TRAPPC8: variants seen among roughly 807,000 people sequenced by gnomAD.
TRAPPC8 encodes trafficking protein particle complex subunit 8.
Under a neutral mutation model 174.3 loss-of-function variants are expected in TRAPPC8, and 54 were observed. The ratio of observed to expected loss-of-function variants is 0.31; its 90% CI spans 0.25 to 0.39. TRAPPC8 has a LOEUF of 0.39. TRAPPC8 is among the 10% of genes least tolerant of loss of function. The probability of loss-of-function intolerance (pLI) is 1.00; values close to 1 mark genes in which losing one functional copy is unlikely to be tolerated. For missense variants in TRAPPC8, 1,531 were observed against 1,699.1 expected (o/e 0.90, Z 1.74); for synonymous variants, 630 against 579.9 (o/e 1.09, Z -1.24).
Position 31,942,627 on chromosome 18 carries a change from G to A in TRAPPC8, c.138C>T (p.Phe46=), listed in dbSNP as rs1180984285. 3 of 1,607,304 alleles carry A rather than the reference G, an allele frequency of 1.9e-6. No individual in the cohort carries two copies. Among genetic ancestry groups the A allele is most frequent in the Non-Finnish European group, 2.5e-6 (3 of 1,176,644 alleles). Residue 46 remains phenylalanine, a synonymous_variant, in exon 1 of 29, where the codon TTC becomes TTT. Transcript: ENST00000283351. The part of the protein sequence containing the change: ...HLSFAELLKP[F]SRLTSEVHMR... Reference sequence around the variant, plus strand: ...ACATACCCTCGGAAGTGAGGCGGGAGAAGGGCTTAAGCAGCTCCGCGAAGC... The same window carrying A: ...ACATACCCTCGGAAGTGAGGCGGGAAAAGGGCTTAAGCAGCTCCGCGAAGC...
At chr18:31,894,436 G>A (rs895980672) in intron 11 of TRAPPC8, among the ~76,000 whole-genome samples, 1 of 151,708 alleles carries the variant, frequency 6.6e-6, no homozygotes, top group Non-Finnish European at 1.5e-5. Flanking sequence ...TCATACTATC[G>A]AATAACAAGT....
chr18:31,864,025 T>A (rs2145152507), intron 19 of TRAPPC8, among the ~76,000 whole-genome samples: 1 of 145,934 alleles, frequency 6.9e-6, no homozygotes, highest in East Asian at 1.9e-4. Context: ...GTTATTATAA[T>A]ATGTTCTATA....
chr18:31,839,219 A>G, intron 27 of TRAPPC8, 93 bp downstream of exon 27: 1 of 1,258,814 alleles, frequency 7.9e-7, no homozygotes, highest in East Asian at 2.4e-5. Context: ...TTCCTCTTCA[A>G]TATTTGGGTT....
At chr18:31,853,269 G>A (rs1042157433) in intron 22 of TRAPPC8, among the ~76,000 whole-genome samples, 3 of 151,956 alleles carry the variant, frequency 2.0e-5, no homozygotes, top group Admixed American at 6.6e-5. Flanking sequence ...GTTAAGTTTT[G>A]TTTTGTTTTG....
chr18:31,853,348 C>T (rs533371713), intron 22 of TRAPPC8, among the ~76,000 whole-genome samples: 57 of 152,254 alleles, frequency 3.7e-4, no homozygotes, highest in African/African-American at 1.3e-3. Context: ...GCTCACTGCA[C>T]CCTCTGCCTC....
At position 31,928,719 on chromosome 18, in the gene TRAPPC8, G is replaced by A. The variant is rs1056548499; in HGVS notation, c.352+2610C>T. Reference sequence around the variant, plus strand: ...CCTTACTATGATTACTGATTAACACGTTTGTCTCCCTACCAGATTATAAAC... The same window carrying A: ...CCTTACTATGATTACTGATTAACACATTTGTCTCCCTACCAGATTATAAAC... On this transcript the variant is annotated intron_variant, in intron 2 of 28. Transcript: ENST00000283351. Among the ~76,000 whole-genome samples, 3 of 151,982 alleles carry A rather than the reference G, an allele frequency of 2.0e-5. No individual in the cohort carries two copies. The East Asian group carries it at 5.8e-4, about 29-fold the overall frequency.
chr18:31,920,994 T>C (rs1391579482), intron 2 of TRAPPC8, among the ~76,000 whole-genome samples: 1 of 151,472 alleles, frequency 6.6e-6, no homozygotes, highest in African/African-American at 2.4e-5. Context: ...GGTGCACATC[T>C]TTAGTCCCAG....
At chr18:31,903,121 CGTGTGTGT>C (rs3837889) in intron 9 of TRAPPC8, among the ~76,000 whole-genome samples, 2 of 149,104 alleles carry the variant, frequency 1.3e-5, no homozygotes, top group East Asian at 4.0e-4. Context: ...TGCGTGCGTG[CGTGTGTGT>C]GTGTGTGTGT....
intron 16 of TRAPPC8, among the ~76,000 whole-genome samples, 195 bp from the exon 17 acceptor site, chr18:31,867,671 AAT>A (rs2034653155): frequency 6.6e-6 from 1 of 152,150 alleles, no homozygotes; most frequent in Non-Finnish European, 1.5e-5. Context: ...GTAGGCACTC[AAT>A]ATATATTTTT....
chr18:31,834,847 C>G (rs778049700), intron 27 of TRAPPC8, among the ~76,000 whole-genome samples: 1 of 152,168 alleles, frequency 6.6e-6, no homozygotes, highest in Non-Finnish European at 1.5e-5. Flanking sequence ...GTCCCATTTC[C>G]TCACATTTCT....
At chr18:31,852,563 T>C in intron 23 of TRAPPC8, 32 bp downstream of exon 23, 1 of 1,613,688 alleles carries the variant, frequency 6.2e-7, no homozygotes, top group Non-Finnish European at 8.5e-7. Flanking sequence ...AAAATGACCA[T>C]TTAGTAAAGT....
At position 31,901,086 on chromosome 18, in the gene TRAPPC8, G is replaced by T. The variant is rs918586987; in HGVS notation, c.1390-61C>A. ...AAGAAACAGTCTTACAGTTTAGATG[G>T]GAAACTAAAAGTTGGAATGAAATTT... On this transcript the variant is annotated intron_variant, in intron 9 of 28. Transcript: ENST00000283351. 24 of 1,420,000 alleles carry T rather than the reference G, an allele frequency of 1.7e-5. No homozygotes were observed. In the Admixed American group the frequency reaches 3.7e-4, roughly 22 times the overall value. The allele number at this position is 1,420,000 out of a possible 1,614,324, so 88.0% of individuals were successfully genotyped here.
In TRAPPC8 at chr18:31,830,112, T is replaced by C. The variant is rs2032270593; in HGVS notation, c.*643A>G. ...AATTTTAATGACAAAAATCGTATTG[T>C]GAAATAGCGCACTCTATACTGAGAT... On this transcript the variant is annotated 3_prime_UTR_variant, in exon 29 of 29. Coordinates refer to ENST00000283351, the MANE Select transcript of TRAPPC8 (RefSeq NM_014939.5). 1 of 152,626 alleles carries C rather than the reference T, an allele frequency of 6.6e-6. No individual in the cohort carries two copies. The highest frequency in any genetic ancestry group is 1.5e-5 in the Non-Finnish European group (1 of 68,034). 9.5% of individuals were successfully genotyped at this position (152,626 alleles called of 1,614,324 possible). A position where few individuals can be genotyped will look rare whatever the true frequency, so the allele number is the denominator to read the frequency against.
chr18:31,932,764 C>T (rs1007738292), intron 1 of TRAPPC8, among the ~76,000 whole-genome samples: 3 of 151,174 alleles, frequency 2.0e-5, no homozygotes, highest in Non-Finnish European at 4.4e-5. Context: ...GGTGGATCAC[C>T]TGAGGTCAGG....
At chr18:31,917,768 ATTTCTAACAGT>A in intron 2 of TRAPPC8, 101 bp from the exon 3 acceptor site, 1 of 941,756 alleles carries the variant, frequency 1.1e-6, no homozygotes, top group Non-Finnish European at 1.6e-6. Context: ...TAAAAAAAAA[ATTTCTAACAGT>A]AAACAAGCAT....
chr18:31,925,239 T>TG (rs949059623), intron 2 of TRAPPC8, among the ~76,000 whole-genome samples: 7 of 145,888 alleles, frequency 4.8e-5, no homozygotes, highest in African/African-American at 1.8e-4. Context: ...ATAATACGAA[T>TG]GAAAAAAAAA....
In TRAPPC8 at chr18:31,900,970, G is replaced by C; in HGVS notation, c.1445C>G (p.Ala482Gly). Reference protein sequence around the residue: ...LQPGAPRPYPAHYMDTAIQTY... With the variant: ...LQPGAPRPYPGHYMDTAIQTY... ...CTGAATTGCTGTATCCATGTAATGA[G>C]CAGGATATGGCCTAGGTGCTCCTGG... The change falls in exon 10 of 29, where the codon GCT becomes GGT. Residue 482 changes from alanine to glycine, a missense_variant. Ala to Gly is a moderately conservative substitution (Grantham distance 60). Coordinates refer to ENST00000283351, the MANE Select transcript of TRAPPC8 (RefSeq NM_014939.5). 1 of 1,592,544 alleles carries C rather than the reference G, an allele frequency of 6.3e-7. No individual in the cohort carries two copies. The highest frequency in any genetic ancestry group is 8.5e-7 in the Non-Finnish European group (1 of 1,174,104).
chr18:31,937,231 A>G (rs1281231296), intron 1 of TRAPPC8, among the ~76,000 whole-genome samples: 2 of 152,114 alleles, frequency 1.3e-5, no homozygotes, highest in African/African-American at 2.4e-5. Context: ...AAAATAAAGG[A>G]AAAGGAAAGA....
At chr18:31,858,164 G>C (rs1045697456) in intron 19 of TRAPPC8, among the ~76,000 whole-genome samples, 182 bp from the exon 20 acceptor site, 3 of 151,778 alleles carry the variant, frequency 2.0e-5, no homozygotes, top group Non-Finnish European at 4.4e-5. Context: ...TGATGAGACA[G>C]AAGAATGTTA....
Sources: allele counts gnomAD v4.1 joint callset (sites outside exome capture counted in the v4.1 genomes callset), GRCh38; gene constraint gnomAD v4.1.1; transcripts MANE v1.5; gene names NCBI Gene and HGNC (gene_info 2026-07-23, HGNC 2026-07-21).